GLP2R: variants seen among roughly 807,000 people sequenced by gnomAD.
GLP2R encodes the protein glucagon-like peptide 2 receptor.
A neutral mutation model predicts 68.2 loss-of-function variants in GLP2R; 59 were observed. The observed-to-expected ratio is 0.87, with a 90% confidence interval of 0.70 to 1.07. The LOEUF is 1.07. Ranked by LOEUF, GLP2R falls within the 50% of genes least tolerant of loss-of-function variation. The pLI is 0.00. For synonymous variants in GLP2R, 270 were observed against 265.4 expected, an observed-to-expected ratio of 1.02 and a Z score of -0.17; for missense variants, 548 against 677.4, an observed-to-expected ratio of 0.81 and a Z score of 2.12.
intron 1 of GLP2R, among the ~76,000 whole-genome samples, chr17:9,828,675 C>A (rs1952641681): frequency 6.6e-6 from 1 of 152,164 alleles, no homozygotes; most frequent in African/African-American, 2.4e-5. Flanking sequence ...GTTGTGCCTA[C>A]CCGGGGTGTT....
At chr17:9,866,274 G>T in intron 9 of GLP2R, 1 of 187,984 alleles carries the variant, frequency 5.3e-6, no homozygotes, top group South Asian at 1.1e-4. Flanking sequence ...CTAGACCAGT[G>T]GTTTTCAACC....
In GLP2R at chr17:9,854,553, T is replaced by C; in HGVS notation, c.563T>C (p.Phe188Ser). The C allele has an allele frequency of 1.9e-6, 3 of 1,612,170 alleles. No individual in the cohort carries two copies. In the African/African-American group the frequency reaches 4.0e-5, roughly 21 times the overall value. Residue 188 changes from phenylalanine (F) to serine (S), a missense_variant, in exon 5 of 13, where the codon TTC (phenylalanine) becomes TCC (serine). By Grantham distance (155) the Phe-to-Ser change is radical. Coordinates refer to ENST00000262441, the MANE Select transcript of GLP2R (RefSeq NM_004246.3). Reference sequence around the variant, plus strand: ...CTGATGTACACCGTGGGATACTCCTTCTCTCTTATCTCCCTCTTCCTGGCT... The same window carrying C: ...CTGATGTACACCGTGGGATACTCCTCCTCTCTTATCTCCCTCTTCCTGGCT... ...LQLMYTVGYS[F>S]SLISLFLALT... is the part of the protein sequence containing the mutation.
At chr17:9,875,664 T>C (rs2152046057) in intron 10 of GLP2R, among the ~76,000 whole-genome samples, 1 of 152,158 alleles carries the variant, frequency 6.6e-6, no homozygotes, top group South Asian at 2.1e-4. Context: ...CTGAGCCAAG[T>C]GTGAAGGAGG....
chr17:9,857,589 C>G lies in GLP2R; in HGVS notation c.765+13C>G, dbSNP rs2066946113. 1.2e-6 allele frequency: 2 copies of G among 1,613,726 alleles called. No individual in the cohort carries two copies. Among genetic ancestry groups the G allele is most frequent in the Admixed American group, 1.7e-5 (1 of 60,024 alleles). On this transcript the variant is annotated intron_variant, in intron 6 of 12. Coordinates refer to ENST00000262441, the MANE Select transcript of GLP2R (RefSeq NM_004246.3). ...CTACCTGTCAGAGGTAATCCCCTTC[C>G]CCACTGTTTACACTGGACTCCCCAC...
chr17:9,855,775 G>A (rs968744975), intron 5 of GLP2R, among the ~76,000 whole-genome samples: 5 of 152,184 alleles, frequency 3.3e-5, no homozygotes, highest in Non-Finnish European at 4.4e-5. Flanking sequence ...CGGCTGGTGG[G>A]TGATGAAGCC....
intron 11 of GLP2R, among the ~76,000 whole-genome samples, chr17:9,882,121 A>ACTT (rs973877205): frequency 2.0e-5 from 3 of 151,976 alleles, no homozygotes; most frequent in African/African-American, 7.2e-5. Flanking sequence ...AGTCTATGTT[A>ACTT]CTTTTGTCTG....
At chr17:9,870,622 A>T (rs2293102) in intron 9 of GLP2R, 125 bp from the exon 10 acceptor site, 25,880 of 688,812 alleles carry the variant, frequency 0.038, 998 homozygotes, top group East Asian at 0.13. Context: ...TGGCCAGCTA[A>T]CTGCTGAATT....
intron 11 of GLP2R, among the ~76,000 whole-genome samples, chr17:9,882,920 C>CCAGTTG (rs2067209546): frequency 2.0e-5 from 3 of 148,378 alleles, no homozygotes; most frequent in African/African-American, 7.5e-5. Context: ...AATATATTAT[C>CCAGTTG]TAAAACTTCC....
intron 3 of GLP2R, among the ~76,000 whole-genome samples, chr17:9,839,469 C>T (rs1009427742): frequency 5.9e-5 from 9 of 152,026 alleles, no homozygotes; most frequent in African/African-American, 2.2e-4. Context: ...CCTGGCCCCA[C>T]CCAAGCCCAC....
intron 10 of GLP2R, 48 bp from the exon 11 acceptor site, chr17:9,880,330 T>A (rs756441339): frequency 7.6e-7 from 1 of 1,311,268 alleles, no homozygotes; most frequent in East Asian, 2.4e-5. Flanking sequence ...GAAATGTTGC[T>A]TGTTCCCCAT....
intron 11 of GLP2R, 135 bp from the exon 12 acceptor site, chr17:9,887,797 T>C: frequency 1.3e-6 from 1 of 745,706 alleles, no homozygotes; most frequent in South Asian, 1.5e-5. Context: ...TAATTCTAGT[T>C]AGTGTAAGCA....
chr17:9,859,801 C>T, intron 6 of GLP2R, 141 bp from the exon 7 acceptor site: 1 of 567,398 alleles, frequency 1.8e-6, no homozygotes, highest in Non-Finnish European at 2.7e-6. Context: ...ATCCTGGCAA[C>T]AGAGTGAGAT....
At chr17:9,861,049 C>T in intron 7 of GLP2R, 90 bp from the exon 8 acceptor site, 1 of 869,196 alleles carries the variant, frequency 1.2e-6, no homozygotes, top group Non-Finnish European at 2.0e-6. Context: ...ATGTTGTAAC[C>T]ACCTGTGGTT....
chr17:9,869,563 TG>T (rs2067073137), intron 9 of GLP2R, among the ~76,000 whole-genome samples: 1 of 152,218 alleles, frequency 6.6e-6, no homozygotes, highest in South Asian at 2.1e-4. Context: ...TCTGAAGGCT[TG>T]GCTGGGGCTG....
chr17:9,862,042 T>C lies in GLP2R; in HGVS notation c.1008T>C (p.Asn336=). ...ENTGCWTTNG[N]KKIWWIIRGP... Reference sequence around the variant, plus strand: ...TTAGGTGCTGGACAACAAATGGGAATAAGAAAATCTGGTGGATCATCCGAG... The same window carrying C: ...TTAGGTGCTGGACAACAAATGGGAACAAGAAAATCTGGTGGATCATCCGAG... Residue 336 remains asparagine (N), a synonymous_variant, in exon 9 of 13, where the codon AAT becomes AAC. Coordinates refer to ENST00000262441, the MANE Select transcript of GLP2R (RefSeq NM_004246.3). 1 of 1,613,588 alleles carries C rather than the reference T, an allele frequency of 6.2e-7. No homozygotes were observed. The highest frequency in any genetic ancestry group is 8.5e-7 in the Non-Finnish European group (1 of 1,179,486).
At chr17:9,830,024 C>T (rs1413465203) in intron 1 of GLP2R, among the ~76,000 whole-genome samples, 1 of 152,190 alleles carries the variant, frequency 6.6e-6, no homozygotes, top group South Asian at 2.1e-4. Context: ...AAAATTCACC[C>T]GTATATCTTC....
At chr17:9,845,667 A>G (rs1351920476) in intron 4 of GLP2R, among the ~76,000 whole-genome samples, 1 of 151,160 alleles carries the variant, frequency 6.6e-6, no homozygotes, top group Admixed American at 6.6e-5. Flanking sequence ...ATCATAGTTC[A>G]CTTGTCATTG....
chr17:9,886,758 C>T (rs867135472), intron 11 of GLP2R, among the ~76,000 whole-genome samples: 3 of 152,282 alleles, frequency 2.0e-5, no homozygotes, highest in Middle Eastern at 3.4e-3. Flanking sequence ...CTGAACAAGG[C>T]TTACATAAGG....
intron 4 of GLP2R, among the ~76,000 whole-genome samples, chr17:9,853,466 A>G (rs982633837): frequency 2.0e-5 from 3 of 152,244 alleles, no homozygotes; most frequent in African/African-American, 7.2e-5. Flanking sequence ...GAACTTAAAA[A>G]AGGGAAAGAA....
Sources: gnomAD v4.1 joint callset for allele counts (sites outside exome capture counted in the v4.1 genomes callset) on GRCh38, gnomAD v4.1.1 for gene constraint, MANE v1.5 for transcripts, NCBI Gene and HGNC (gene_info 2026-07-23, HGNC 2026-07-21) for gene names.